Variants in APPL1 observed in about 807,000 individuals in gnomAD.
APPL1 encodes DCC-interacting protein 13-alpha.
In APPL1, 42 loss-of-function variants were observed where a neutral mutation model predicts 106.8. The ratio of observed to expected loss-of-function variants is 0.39; its 90% CI spans 0.31 to 0.51. The LOEUF (loss-of-function observed/expected upper bound fraction) is 0.51, where lower values mean the gene tolerates loss of function less well. APPL1 is among the 20% of genes least tolerant of loss of function. The pLI, the probability that APPL1 is intolerant of heterozygous loss-of-function variation, is 0.75. For missense variants in APPL1, 769 were observed against 858.2 expected, an observed-to-expected ratio of 0.90 and a Z score of 1.30; for synonymous variants, 263 against 281.8, an observed-to-expected ratio of 0.93 and a Z score of 0.67.
chr3:57,249,967 G>C (rs2060794443), intron 11 of APPL1, among the ~76,000 whole-genome samples: 1 of 112,950 alleles, frequency 8.9e-6, no homozygotes, highest in African/African-American at 3.2e-5. Flanking sequence ...TGTAAAATGT[G>C]AATGGGGGGG....
At chr3:57,267,961 GTGCACC>G in intron 20 of APPL1, 169 bp downstream of exon 20, 7 of 672,352 alleles carry the variant, frequency 1.0e-5, no homozygotes, top group Non-Finnish European at 1.8e-5. Context: ...GTGTGGTGTC[GTGCACC>G]TGTAATCCCA....
intron 1 of APPL1, among the ~76,000 whole-genome samples, chr3:57,234,665 A>G (rs547065986): frequency 1.3e-5 from 2 of 149,456 alleles, no homozygotes; most frequent in South Asian, 4.2e-4. Context: ...AAATTTTTTT[A>G]TTTTGAGACA....
intron 1 of APPL1, among the ~76,000 whole-genome samples, chr3:57,233,176 A>C (rs536032271): frequency 6.6e-6 from 1 of 152,252 alleles, no homozygotes; most frequent in Non-Finnish European, 1.5e-5. Flanking sequence ...AAAAAATTCA[A>C]GACATAAGAA....
intron 1 of APPL1, chr3:57,230,896 A>T (rs1050606006): frequency 1.0e-4 from 31 of 304,862 alleles, no homozygotes; most frequent in African/African-American, 5.8e-4. Context: ...ATTTTATTTT[A>T]TTTTATTTTT....
chr3:57,240,240 T>C (rs1331251286), intron 4 of APPL1, among the ~76,000 whole-genome samples: 2 of 151,894 alleles, frequency 1.3e-5, no homozygotes, highest in Non-Finnish European at 2.9e-5. Flanking sequence ...TTTAGTGTCA[T>C]ATGCAAGAAA....
intron 5 of APPL1, among the ~76,000 whole-genome samples, chr3:57,241,326 A>G (rs2060745323): frequency 6.6e-6 from 1 of 152,158 alleles, no homozygotes. Context: ...ACATCTAACA[A>G]TCTGCAACCT....
chr3:57,231,269 G>T (rs2060685262), intron 1 of APPL1, among the ~76,000 whole-genome samples: 1 of 150,036 alleles, frequency 6.7e-6, no homozygotes, highest in Non-Finnish European at 1.5e-5. Flanking sequence ...AACCCGGGAG[G>T]CGGGGGTTGC....
At chr3:57,269,501 C>T (rs761918971) in intron 21 of APPL1, 40 bp from the exon 22 acceptor site, 1 of 1,606,258 alleles carries the variant, frequency 6.2e-7, no homozygotes, top group Non-Finnish European at 8.5e-7. Flanking sequence ...CATTTGACTG[C>T]AGACAAGTAA....
intron 2 of APPL1, among the ~76,000 whole-genome samples, chr3:57,236,598 G>A (rs2060718054): frequency 1.3e-5 from 2 of 152,238 alleles, no homozygotes; most frequent in Non-Finnish European, 2.9e-5. Context: ...AAAGTGCTGG[G>A]ATTACAGGCG....
rs1371534863 is a variant in APPL1, at chr3:57,239,814, G to T, written c.286-651G>T. Among the ~76,000 whole-genome samples, 5 of 152,102 alleles carry T rather than the reference G, an allele frequency of 3.3e-5. No homozygotes were observed. In the South Asian group the frequency reaches 1.0e-3, roughly 32 times the overall value. On this transcript the variant is annotated intron_variant, in intron 4 of 21. Coordinates refer to ENST00000288266, the MANE Select transcript of APPL1 (RefSeq NM_012096.3). ...TACATTCCTACCAGCAATGTAGGAG[G>T]GTTCCAGTTTTTCCACATCCTCGCC...
intron 19 of APPL1, among the ~76,000 whole-genome samples, chr3:57,262,944 C>T (rs778293956): frequency 1.3e-5 from 2 of 150,542 alleles, no homozygotes; most frequent in South Asian, 4.2e-4. Flanking sequence ...TCCGCCCCCT[C>T]GGGTTTAAGC....
At position 57,270,716 on chromosome 3, in the gene APPL1, TCAC is replaced by T. The variant is rs1350390466; in HGVS notation, c.*1033_*1035del. On this transcript the variant is annotated 3_prime_UTR_variant, in exon 22 of 22. Coordinates refer to ENST00000288266, the MANE Select transcript of APPL1 (RefSeq NM_012096.3). ...TGCCATGTTTTGATAAAGTACTGAA[TCAC>T]CACTTTATATCCACAAAGGCAAATA... is the stretch of plus-strand genomic sequence containing the variant. 2.6e-5 allele frequency: 4 copies of T among 152,586 alleles called. No homozygotes were observed. The highest frequency in any genetic ancestry group is 4.4e-5 in the Non-Finnish European group (3 of 68,034). 9.5% of individuals were successfully genotyped at this position (152,586 alleles called of 1,614,324 possible). A position where few individuals can be genotyped will look rare whatever the true frequency, so the allele number is the denominator to read the frequency against.
At chr3:57,245,547 A>ATTTTTTTTTTTTTT (rs749542390) in intron 7 of APPL1, among the ~76,000 whole-genome samples, 2 of 143,782 alleles carry the variant, frequency 1.4e-5, no homozygotes. Context: ...TTCAATATGC[A>ATTTTTTTTTTTTTT]GTTTTTTTTT....
intron 11 of APPL1, among the ~76,000 whole-genome samples, chr3:57,251,524 CAAA>C (rs75189556): frequency 7.1e-5 from 5 of 70,922 alleles, no homozygotes; most frequent in Non-Finnish European, 6.2e-5. Context: ...GACTTTGTCT[CAAA>C]AAAAAAAAAA....
chr3:57,254,012 G>GCCA (rs1378089245), intron 13 of APPL1, among the ~76,000 whole-genome samples: 32 of 152,244 alleles, frequency 2.1e-4, no homozygotes, highest in African/African-American at 6.7e-4. Context: ...ACAGGCGTGT[G>GCCA]CCATGACACC....
In APPL1 at chr3:57,255,680, G is replaced by A. The variant is rs2060831599; in HGVS notation, c.1153-1277G>A. Among the ~76,000 whole-genome samples the A allele has an allele frequency of 2.0e-5, 3 of 152,222 alleles. No individual in the cohort carries two copies. The South Asian group carries it at 6.2e-4, about 32-fold the overall frequency. On this transcript the variant is annotated intron_variant, in intron 13 of 21. Transcript: ENST00000288266. ...TTATGTCTAATAAAATAAATTATGA[G>A]TTTAATTACGGAAAATCAGTGTTAA...
In APPL1 at chr3:57,267,771, G is replaced by C; in HGVS notation, c.1872G>C (p.Gln624His). 2 of 1,613,846 alleles carry C rather than the reference G, an allele frequency of 1.2e-6. No homozygotes were observed. The highest frequency in any genetic ancestry group is 1.7e-6 in the Non-Finnish European group (2 of 1,180,002). The change falls in exon 20 of 22, where the codon CAG becomes CAC. Residue 624 changes from glutamine to histidine, a missense_variant. Physicochemically the swap from Gln to His is conservative, Grantham distance 24. Transcript: ENST00000288266. ...GTGATTCTGTTGGACTGGCAAAACA[G>C]ATAGCTTTGCATGCTGAACTGGTAA... ...KICDSVGLAKQIALHAELDRR... is the reference protein window; with the variant it reads ...KICDSVGLAKHIALHAELDRR...
intron 19 of APPL1, among the ~76,000 whole-genome samples, chr3:57,263,922 G>A (rs1412754710): frequency 6.6e-6 from 1 of 152,070 alleles, no homozygotes; most frequent in African/African-American, 2.4e-5. Context: ...GGGATTGCTG[G>A]ATCATATGGT....
chr3:57,264,958 C>A (rs2060886704), intron 19 of APPL1, among the ~76,000 whole-genome samples: 1 of 151,930 alleles, frequency 6.6e-6, no homozygotes, highest in African/African-American at 2.4e-5. Flanking sequence ...TATACATTTT[C>A]AGATTGTTTT....
Sources: gnomAD v4.1 joint callset for allele counts (sites outside exome capture counted in the v4.1 genomes callset) on GRCh38, gnomAD v4.1.1 for gene constraint, MANE v1.5 for transcripts, NCBI Gene and HGNC (gene_info 2026-07-23, HGNC 2026-07-21) for gene names.